The following TBC1D31 variants were observed in gnomAD, a reference collection of about 807,000 sequenced individuals.
TBC1D31 encodes TBC1 domain family member 31, also known as WD repeat domain 67.
In TBC1D31, 99 loss-of-function variants were observed where a neutral mutation model predicts 132.9. The observed-to-expected ratio is 0.74, with a 90% CI of 0.63 to 0.88. The LOEUF is 0.88. Among genes scored for constraint, TBC1D31 ranks in the 40% least tolerant of loss-of-function variants. TBC1D31 has a pLI of 0.00. For synonymous variants in TBC1D31, 385 were observed against 419.4 expected, an observed-to-expected ratio of 0.92 and a Z score of 1.00; for missense variants, 1,134 against 1,256.6, an observed-to-expected ratio of 0.90 and a Z score of 1.48.
At chr8:123,085,259 G>A (rs1412399864) in intron 4 of TBC1D31, among the ~76,000 whole-genome samples, 1 of 152,170 alleles carries the variant, frequency 6.6e-6, no homozygotes, top group Non-Finnish European at 1.5e-5. Context: ...ACACACCTGT[G>A]TAACCTATGC....
chr8:123,122,954 T>C (rs1819634564), intron 11 of TBC1D31, among the ~76,000 whole-genome samples: 1 of 152,178 alleles, frequency 6.6e-6, no homozygotes, highest in Non-Finnish European at 1.5e-5. Context: ...AAACATTTAT[T>C]AAAGAGTAAC....
rs376296009 is a variant in TBC1D31 at position 123,129,059 on chromosome 8, A to T, written c.2118-7A>T. 5 of 1,564,260 alleles carry T rather than the reference A, an allele frequency of 3.2e-6. No homozygotes were observed. The African/African-American group carries it at 6.8e-5, about 21-fold the overall frequency. ...TTGTGTTTTCATAATAATATTACCT[A>T]CTTAAGGCAGACAGTTGAAGATATG... is the stretch of plus-strand genomic sequence containing the variant. On this transcript the variant is annotated splice_polypyrimidine_tract_variant and splice_region_variant and intron_variant, in intron 14 of 21. Transcript: ENST00000287380.
intron 8 of TBC1D31, among the ~76,000 whole-genome samples, chr8:123,107,885 C>T (rs1212054073): frequency 6.6e-6 from 1 of 152,232 alleles, no homozygotes; most frequent in South Asian, 2.1e-4. Context: ...ACTTTATCAG[C>T]TCATGGCCAA....
intron 10 of TBC1D31, among the ~76,000 whole-genome samples, chr8:123,111,162 T>TTC (rs1398903837): frequency 1.6e-3 from 240 of 152,282 alleles, no homozygotes; most frequent in African/African-American, 5.2e-3. Flanking sequence ...TTTTATGTAC[T>TTC]TGTTAGGCGG....
At chr8:123,160,728 G>A in the TBC1D31 span, among the ~76,000 whole-genome samples, 2 of 152,214 alleles carry the variant, frequency 1.3e-5, no homozygotes, top group Non-Finnish European at 2.9e-5. Context: ...CCCACGCCAA[G>A]GTGGCCCCAT....
chr8:123,081,040 G>C (rs1298156895), intron 2 of TBC1D31, among the ~76,000 whole-genome samples: 1 of 152,038 alleles, frequency 6.6e-6, no homozygotes. Flanking sequence ...CTTCCTAATT[G>C]TTCAATCCAT....
intron 4 of TBC1D31, among the ~76,000 whole-genome samples, chr8:123,092,155 C>G (rs886498834): frequency 6.6e-6 from 1 of 152,058 alleles, no homozygotes. Flanking sequence ...GCTGGGATTA[C>G]AGGCGTCTGC....
chr8:123,118,839 C>T (rs1455949488), intron 10 of TBC1D31, among the ~76,000 whole-genome samples: 1 of 152,144 alleles, frequency 6.6e-6, no homozygotes, highest in Non-Finnish European at 1.5e-5. Context: ...CCTAGGCAAT[C>T]CTCTTGCCTC....
chr8:123,074,560 C>T (rs1814291384), intron 1 of TBC1D31, among the ~76,000 whole-genome samples: 1 of 152,190 alleles, frequency 6.6e-6, no homozygotes, highest in African/African-American at 2.4e-5. Flanking sequence ...AAAGTTATAG[C>T]CCACTCGCCT....
intron 1 of TBC1D31, among the ~76,000 whole-genome samples, chr8:123,076,425 A>G (rs747473643): frequency 4.6e-5 from 7 of 152,130 alleles, no homozygotes; most frequent in Non-Finnish European, 1.0e-4. Context: ...TTTAATCATT[A>G]CATATGTGTC....
Position 123,151,790 on chromosome 8 carries a change from A to G in TBC1D31, c.3068-16A>G. 1 of 1,547,224 alleles carries G rather than the reference A, an allele frequency of 6.5e-7. No individual in the cohort carries two copies. Among genetic ancestry groups the G allele is most frequent in the Non-Finnish European group, 8.6e-7 (1 of 1,159,274 alleles). On this transcript the variant is annotated splice_polypyrimidine_tract_variant and intron_variant, in intron 21 of 21. Transcript: ENST00000287380. ...AGAAAACTCAGCTTTTCTAAATTTT[A>G]AATTTCGTTTTCAAGTTTCTTTAAA...
chr8:123,160,682 C>T, the TBC1D31 span, among the ~76,000 whole-genome samples: 1 of 152,140 alleles, frequency 6.6e-6, no homozygotes, highest in Non-Finnish European at 1.5e-5. Flanking sequence ...AGGGACACAC[C>T]GCGCCACTAG....
chr8:123,161,912 G>A, the TBC1D31 span, among the ~76,000 whole-genome samples: 1 of 151,478 alleles, frequency 6.6e-6, no homozygotes, highest in African/African-American at 2.4e-5. Context: ...CAGCTACTCG[G>A]GAGGCTAAGG....
intron 4 of TBC1D31, among the ~76,000 whole-genome samples, chr8:123,086,821 G>A (rs1815809466): frequency 6.6e-6 from 1 of 151,782 alleles, no homozygotes; most frequent in African/African-American, 2.4e-5. Context: ...CCAGATTCAA[G>A]CGATTCTCGC....
the TBC1D31 span, among the ~76,000 whole-genome samples, chr8:123,157,719 G>GCACACACACACACA: frequency 1.8e-3 from 267 of 148,032 alleles, no homozygotes; most frequent in African/African-American, 3.1e-3. Context: ...GCGCGCGCGC[G>GCACACACACACACA]CACACACACA....
chr8:123,114,539 C>T (rs1818743014), intron 10 of TBC1D31, among the ~76,000 whole-genome samples: 1 of 152,188 alleles, frequency 6.6e-6, no homozygotes, highest in African/African-American at 2.4e-5. Flanking sequence ...CCAGGCTGGT[C>T]TGGAATTCCT....
intron 6 of TBC1D31, 92 bp from the exon 7 acceptor site, chr8:123,100,715 A>ATACAT: frequency 1.2e-6 from 1 of 857,612 alleles, no homozygotes. Flanking sequence ...TACATACACA[A>ATACAT]ACGTTGCATA....
At chr8:123,134,449 C>G (rs879522906) in intron 17 of TBC1D31, among the ~76,000 whole-genome samples, 1 of 151,952 alleles carries the variant, frequency 6.6e-6, no homozygotes, top group Non-Finnish European at 1.5e-5. Context: ...ATCACTTGAG[C>G]CCTGGAGTTC....
At chr8:123,093,481 C>A in intron 4 of TBC1D31, 110 bp from the exon 5 acceptor site, 1 of 656,690 alleles carries the variant, frequency 1.5e-6, no homozygotes, top group Non-Finnish European at 2.3e-6. Context: ...TTTTCCCCAG[C>A]TTAAGAAAAT....
Sources: allele counts gnomAD v4.1 joint callset (sites outside exome capture counted in the v4.1 genomes callset), GRCh38; gene constraint gnomAD v4.1.1; transcripts MANE v1.5; gene names NCBI Gene and HGNC (gene_info 2026-07-23, HGNC 2026-07-21).